GSN: variants seen among roughly 807,000 people sequenced by gnomAD.
GSN encodes gelsolin.
GSN carries 56 observed loss-of-function variants against 85.7 expected under a neutral mutation model. The ratio of observed to expected loss-of-function variants is 0.65; its 90% CI spans 0.53 to 0.82. The LOEUF (loss-of-function observed/expected upper bound fraction) is 0.82. GSN is among the 40% of genes least tolerant of loss of function. GSN has a pLI of 0.00. For missense variants in GSN, 857 were observed against 979.8 expected, an observed-to-expected ratio of 0.87 and a Z score of 1.67; for synonymous variants, 373 against 399.1, an observed-to-expected ratio of 0.93 and a Z score of 0.78.
At position 121,223,545 on chromosome 9, in the gene GSN, A is replaced by G. The variant is rs1469689174; in HGVS notation, c.-527-7620A>G. 2.0e-5 allele frequency among the ~76,000 whole-genome samples: 3 copies of G among 152,264 alleles called. No individual in the cohort carries two copies. The East Asian group carries it at 5.8e-4, about 29-fold the overall frequency. On this transcript the variant is annotated intron_variant, in intron 4 of 24. Coordinates refer to the GSN transcript ENST00000373823. Reference sequence around the variant, plus strand: ...ATATCATGGTTACAATAGCTAGCTAATATTTGGGGAATGCTTACTCCGGGA... The same window carrying G: ...ATATCATGGTTACAATAGCTAGCTAGTATTTGGGGAATGCTTACTCCGGGA...
At chr9:121,309,274 T>G (rs1003786372) in intron 4 of GSN, 1 of 152,266 alleles carries the variant, frequency 6.6e-6, no homozygotes, top group Non-Finnish European at 1.5e-5. Context: ...CAGCTGACTT[T>G]CCTTGGCTTG....
chr9:121,322,335 A>G (rs542982224), intron 11 of GSN, among the ~76,000 whole-genome samples: 14 of 152,320 alleles, frequency 9.2e-5, no homozygotes, highest in African/African-American at 3.4e-4. Context: ...CATTCTTCCT[A>G]GAGATCAATA....
At chr9:121,311,878 G>A (rs1427944431) in intron 5 of GSN, 1 of 159,768 alleles carries the variant, frequency 6.3e-6, no homozygotes, top group Non-Finnish European at 1.4e-5. Context: ...GTGGCTTCTG[G>A]TTTGGGGCTA....
chr9:121,257,010 A>G (rs562268150), intron 6 of GSN, among the ~76,000 whole-genome samples: 264 of 152,350 alleles, frequency 1.7e-3, no homozygotes, highest in African/African-American at 5.2e-3. Context: ...TAATGTTCCC[A>G]ACACAAAAAA....
chr9:121,323,389 T>TTTTTTTTTTTTTA (rs1554822114), intron 11 of GSN, among the ~76,000 whole-genome samples: 1 of 149,864 alleles, frequency 6.7e-6, no homozygotes, highest in Non-Finnish European at 1.5e-5. Context: ...TTTTTTTTTT[T>TTTTTTTTTTTTTA]AGACAGAGTC....
At chr9:121,304,192 A>G (rs887163210) in intron 4 of GSN, among the ~76,000 whole-genome samples, 8 of 152,104 alleles carry the variant, frequency 5.3e-5, no homozygotes, top group Admixed American at 6.5e-5. Context: ...GGCATAAGAG[A>G]TTGAATGATG....
chr9:121,233,959 T>A (rs1050366945), intron 5 of GSN, among the ~76,000 whole-genome samples: 5 of 152,212 alleles, frequency 3.3e-5, no homozygotes, highest in African/African-American at 4.8e-5. Flanking sequence ...AGTTTCTTTC[T>A]CTCACAAAAG....
At chr9:121,320,495 C>T (rs2062282100) in intron 10 of GSN, among the ~76,000 whole-genome samples, 1 of 151,824 alleles carries the variant, frequency 6.6e-6, no homozygotes, top group African/African-American at 2.4e-5. Flanking sequence ...AAATACAAAA[C>T]TTAGCTGGCC....
At position 121,318,259 on chromosome 9, in the gene GSN, C is replaced by T. The variant is rs1382222190; in HGVS notation, c.887-147C>T. 3 of 736,292 alleles carry T rather than the reference C, an allele frequency of 4.1e-6. No individual in the cohort carries two copies. The highest frequency in any genetic ancestry group is 3.9e-5 in the Admixed American group (2 of 51,548). The allele number at this position is 736,292 out of a possible 1,614,324, so 45.6% of individuals were successfully genotyped here. ...ACCAGGAGCTCTAGTGAGTGGTCGGCTCTGGGGGTCTCTGGCCTTGGCTGT... is the reference window on the plus strand; with the variant it reads ...ACCAGGAGCTCTAGTGAGTGGTCGGTTCTGGGGGTCTCTGGCCTTGGCTGT... On this transcript the variant is annotated intron_variant, in intron 8 of 17. Coordinates refer to ENST00000432226, the MANE Select transcript of GSN (RefSeq NM_198252.3). This position sits in a 1 kb window ranked among gnomAD's most constrained non-coding sequence, Gnocchi z 4.3.
At chr9:121,319,394 G>C (rs1218627874) in intron 10 of GSN, among the ~76,000 whole-genome samples, 1 of 152,222 alleles carries the variant, frequency 6.6e-6, no homozygotes, top group African/African-American at 2.4e-5. Context: ...CAATTTCAAG[G>C]GTGTAGACTT....
intron 6 of GSN, among the ~76,000 whole-genome samples, chr9:121,260,922 C>A (rs148315996): frequency 7.9e-4 from 120 of 152,350 alleles, no homozygotes; most frequent in African/African-American, 2.8e-3. Flanking sequence ...CAACTTTGGA[C>A]TGAAACTTTA....
chr9:121,297,703 C>G (rs907061471), intron 2 of GSN: 6 of 152,182 alleles, frequency 3.9e-5, no homozygotes, highest in Admixed American at 1.3e-4. Context: ...AGACGTAGCT[C>G]ATTCTTTTTT....
intron 1 of GSN, among the ~76,000 whole-genome samples, chr9:121,279,529 T>C (rs2057086089): frequency 6.6e-6 from 1 of 151,602 alleles, no homozygotes; most frequent in South Asian, 2.1e-4. Context: ...TAGCAAGACA[T>C]GGTGATACAC....
chr9:121,232,728 T>G (rs1479833780), intron 5 of GSN, among the ~76,000 whole-genome samples: 2 of 152,202 alleles, frequency 1.3e-5, no homozygotes, highest in Non-Finnish European at 2.9e-5. Context: ...TGAAATTGAT[T>G]GGAAGAACTC....
At chr9:121,283,579 T>A (rs2057682166) in intron 2 of GSN, 1 of 166,770 alleles carries the variant, frequency 6.0e-6, no homozygotes, top group South Asian at 2.1e-4. Context: ...ATTACAGGTG[T>A]GAGCCATGAC....
At chr9:121,298,584 C>A (rs887384562) in intron 2 of GSN, among the ~76,000 whole-genome samples, 1 of 152,082 alleles carries the variant, frequency 6.6e-6, no homozygotes, top group Non-Finnish European at 1.5e-5. Context: ...ATTTTCATAC[C>A]CACAGACCGA....
chr9:121,325,697 G>A (rs1271728503), intron 12 of GSN, among the ~76,000 whole-genome samples: 2 of 152,140 alleles, frequency 1.3e-5, no homozygotes, highest in Admixed American at 1.3e-4. Context: ...TCGGGGGTTC[G>A]TGCCCTGACC....
At chr9:121,276,674 A>C (rs1037067795) in intron 1 of GSN, among the ~76,000 whole-genome samples, 1 of 152,182 alleles carries the variant, frequency 6.6e-6, no homozygotes, top group African/African-American at 2.4e-5. Context: ...GAATTTCCCA[A>C]AGCCAACAGC....
chr9:121,228,416 ATATATATATTTTTTTT>A (rs2054314039), intron 4 of GSN, among the ~76,000 whole-genome samples: 1 of 60,390 alleles, frequency 1.7e-5, no homozygotes. Context: ...ATATATATAT[ATATATATATTTTTTTT>A]TTTTTTTTTT....
Sources: gnomAD v4.1 joint callset for allele counts (sites outside exome capture counted in the v4.1 genomes callset) on GRCh38, gnomAD v4.1.1 for gene constraint, Gnocchi (gnomAD v3.1) non-coding constraint, MANE v1.5 for transcripts, NCBI Gene and HGNC (gene_info 2026-07-23, HGNC 2026-07-21) for gene names.